The following PFKP variants were observed in gnomAD, a reference collection of about 807,000 sequenced individuals.
The protein encoded by PFKP is phosphofructokinase, platelet, also known as ATP-dependent 6-phosphofructokinase, platelet type.
PFKP carries 101 observed loss-of-function variants against 94.3 expected under a neutral mutation model. The observed-to-expected ratio is 1.07, with a 90% CI of 0.91 to 1.26. The LOEUF is 1.26. Ranked by LOEUF, PFKP falls within the 50% of genes most tolerant of loss-of-function variation. PFKP has a pLI of 0.00. For missense variants in PFKP, 1,145 were observed against 1,103.3 expected (o/e 1.04, Z -0.53); for synonymous variants, 573 against 432.6 (o/e 1.32, Z -4.03).
chr10:3,102,103 T>C (rs970491732), intron 4 of PFKP, among the ~76,000 whole-genome samples: 3 of 149,360 alleles, frequency 2.0e-5, no homozygotes, highest in African/African-American at 4.9e-5. Flanking sequence ...TACAAAAAAT[T>C]AGCCGGGCGT....
intron 9 of PFKP, 30 bp downstream of exon 9, chr10:3,108,823 A>C: frequency 6.7e-7 from 1 of 1,483,016 alleles, no homozygotes; most frequent in Non-Finnish European, 9.4e-7. Context: ...GCATCTTCAC[A>C]AGGTCTCTAG....
intron 16 of PFKP, among the ~76,000 whole-genome samples, chr10:3,126,769 G>A (rs1306721942): frequency 6.6e-6 from 1 of 152,284 alleles, no homozygotes; most frequent in Admixed American, 6.5e-5. Context: ...ATGGAGCAAA[G>A]TGTGGTGATG....
intron 2 of PFKP, among the ~76,000 whole-genome samples, chr10:3,083,652 A>T (rs74358267): frequency 1.0e-4 from 13 of 125,866 alleles, no homozygotes; most frequent in Non-Finnish European, 1.8e-4. Flanking sequence ...ATTTTATTTT[A>T]TTTTTTTTGA....
chr10:3,133,336 G>T (rs752465295), intron 19 of PFKP, 22 bp downstream of exon 19: 4 of 1,444,878 alleles, frequency 2.8e-6, no homozygotes, highest in Non-Finnish European at 3.9e-6. Flanking sequence ...ACTGCATGAG[G>T]GGCCACAAAG....
chr10:3,087,984 C>CTTTTT (rs1224829610), intron 2 of PFKP, among the ~76,000 whole-genome samples: 2,667 of 95,896 alleles, frequency 0.028, 139 homozygotes, highest in African/African-American at 0.097. Context: ...ATCTTTCATT[C>CTTTTT]TTTTTTTTTT....
chr10:3,113,691 G>GTT (rs1368368233), intron 13 of PFKP, among the ~76,000 whole-genome samples, 173 bp downstream of exon 13: 1 of 139,372 alleles, frequency 7.2e-6, no homozygotes, highest in Non-Finnish European at 1.6e-5. Context: ...CCTAAGGTAG[G>GTT]TTTCAGGCCC....
At position 3,109,396 on chromosome 10, in the gene PFKP, G is replaced by C; in HGVS notation, c.1005G>C (p.Glu335Asp). The change falls in exon 10 of 22, where the codon GAG (glutamate) becomes GAC (aspartate). Residue 335 changes from glutamate (E) to aspartate (D), a missense_variant. Glu to Asp is a conservative substitution (Grantham distance 45, BLOSUM62 2). This residue lies in a region of PFKP where 1,119 missense variants were observed against 1,062.8 expected (regional missense o/e 1.05). Transcript: ENST00000381125. ...TGGAGGCAGTCATCGCCTTGCTAGAGGCCACCCCGGACACCCCAGCTTGCG... is the reference window on the plus strand; with the variant it reads ...TGGAGGCAGTCATCGCCTTGCTAGACGCCACCCCGGACACCCCAGCTTGCG... Reference protein sequence around the residue: ...MGVEAVIALLEATPDTPACVV... With the variant: ...MGVEAVIALLDATPDTPACVV... 1 of 1,610,684 alleles carries C rather than the reference G, an allele frequency of 6.2e-7. No individual in the cohort carries two copies. Among genetic ancestry groups the C allele is most frequent in the Middle Eastern group, 1.6e-4 (1 of 6,062 alleles).
intron 20 of PFKP, among the ~76,000 whole-genome samples, chr10:3,135,357 T>A (rs1380151672): frequency 6.6e-6 from 1 of 152,296 alleles, no homozygotes; most frequent in African/African-American, 2.4e-5. Context: ...TTGGCTTTGA[T>A]TCTTTCTACA....
rs1280512480 is a variant in PFKP, at chr10:3,081,916, G to T, written c.113-472G>T. Among the ~76,000 whole-genome samples the T allele has an allele frequency of 3.5e-5, 5 of 142,490 alleles. No homozygotes were observed. The East Asian group carries it at 1.1e-3, about 30-fold the overall frequency. The allele number at this position is 142,490 out of a possible 152,430, so 93.5% of individuals were successfully genotyped here. On this transcript the variant is annotated intron_variant, in intron 1 of 21. Coordinates refer to ENST00000381125, the MANE Select transcript of PFKP (RefSeq NM_002627.5). The stretch of plus-strand genomic sequence containing the variant: ...AGGTATGGTTATTTGTAATATGCTG[G>T]TTTATTTTAACTTTACTGATAATAA...
chr10:3,131,519 C>T (rs1167602202), intron 17 of PFKP, among the ~76,000 whole-genome samples: 2 of 152,142 alleles, frequency 1.3e-5, no homozygotes, highest in African/African-American at 4.8e-5. Flanking sequence ...TGTAGTGGCA[C>T]AATCTCGGCT....
chr10:3,102,250 C>CAAAAAAAAAAAA lies in PFKP; in HGVS notation c.454+708_454+719dup, dbSNP rs757381364. Reference sequence around the variant, plus strand: ...TGGGCGACAGAGCGAGACTCTGTCTCAAAAAAAAAAAAAAAAAAAAAAACT... The same window carrying CAAAAAAAAAAAA: ...TGGGCGACAGAGCGAGACTCTGTCTCAAAAAAAAAAAAAAAAAAAAAAAAAAAAAAAAAAACT... On this transcript the variant is annotated intron_variant, in intron 4 of 21. Transcript: ENST00000381125. Among the ~76,000 whole-genome samples, 206 of 54,770 alleles carry CAAAAAAAAAAAA rather than the reference C, an allele frequency of 3.8e-3. 5 individuals carry two copies. The highest frequency in any genetic ancestry group is 5.9e-3 in the Non-Finnish European group (171 of 29,132). 35.9% of individuals were successfully genotyped at this position (54,770 alleles called of 152,430 possible).
chr10:3,121,599 T>TC (rs1491211572), intron 16 of PFKP, among the ~76,000 whole-genome samples: 1 of 125,180 alleles, frequency 8.0e-6, no homozygotes, highest in East Asian at 2.4e-4. Context: ...TTTTTTTTTT[T>TC]CAGATTGTAA....
chr10:3,103,711 C>T (rs1455910811), intron 4 of PFKP, 68 bp from the exon 5 acceptor site: 7 of 1,544,704 alleles, frequency 4.5e-6, no homozygotes, highest in Middle Eastern at 3.4e-4. Context: ...CTGCCTCACC[C>T]CTAGTGGGGC....
chr10:3,108,828 C>T (rs1404186966), intron 9 of PFKP, 35 bp downstream of exon 9: 1 of 1,447,094 alleles, frequency 6.9e-7, no homozygotes, highest in Admixed American at 1.7e-5. Flanking sequence ...TTCACAAGGT[C>T]TCTAGGAGGA....
chr10:3,134,447 A>AAATAGAAG, intron 19 of PFKP, 36 bp from the exon 20 acceptor site: 1 of 1,160,562 alleles, frequency 8.6e-7, no homozygotes, highest in Non-Finnish European at 1.3e-6. Flanking sequence ...GTGTTACTGT[A>AAATAGAAG]TAACTGGTAT....
At chr10:3,075,335 G>A (rs767467914) in intron 1 of PFKP, among the ~76,000 whole-genome samples, 1 of 152,020 alleles carries the variant, frequency 6.6e-6, no homozygotes, top group Admixed American at 6.6e-5. Context: ...CAGAATGGAA[G>A]GAATTTTTGT....
In PFKP at chr10:3,072,304, A is replaced by G. The variant is rs149895215; in HGVS notation, c.112+4597A>G. Among the ~76,000 whole-genome samples the G allele has an allele frequency of 3.3e-5, 5 of 152,364 alleles. No homozygotes were observed. The East Asian group carries it at 5.8e-4, about 18-fold the overall frequency. On this transcript the variant is annotated intron_variant, in intron 1 of 21. Transcript: ENST00000381125. ...TGGACGTGCATTAGGTCAATGACAC[A>G]CATATTTATTGGACACCAGGCTTGA... is the stretch of plus-strand genomic sequence containing the variant.
intron 16 of PFKP, among the ~76,000 whole-genome samples, chr10:3,123,497 T>G (rs1837628414): frequency 6.6e-6 from 1 of 152,090 alleles, no homozygotes; most frequent in Non-Finnish European, 1.5e-5. Context: ...CCCACAGATT[T>G]CAATGTGGAG....
intron 17 of PFKP, among the ~76,000 whole-genome samples, 186 bp downstream of exon 17, chr10:3,130,169 T>A (rs1038338860): frequency 6.6e-6 from 1 of 152,222 alleles, no homozygotes; most frequent in Non-Finnish European, 1.5e-5. Context: ...TGACGGTGGG[T>A]GTGCCTGGTT....
Sources: allele counts gnomAD v4.1 joint callset (sites outside exome capture counted in the v4.1 genomes callset), GRCh38; gene constraint gnomAD v4.1.1; regional missense constraint gnomAD v4.1.1; transcripts MANE v1.5; gene names NCBI Gene and HGNC (gene_info 2026-07-23, HGNC 2026-07-21).